The following GRM7 variants were observed in gnomAD, a reference collection of about 807,000 sequenced individuals.
GRM7 encodes the protein metabotropic glutamate receptor 7.
GRM7 carries 35 observed loss-of-function variants against 84.5 expected under a neutral mutation model. The observed-to-expected ratio is 0.41, with a 90% confidence interval of 0.32 to 0.55. The LOEUF (loss-of-function observed/expected upper bound fraction) is 0.55, where lower values mean the gene tolerates loss of function less well. Among genes scored for constraint, GRM7 ranks in the 20% least tolerant of loss-of-function variants. GRM7 has a pLI of 0.19. For missense variants in GRM7, 1,003 were observed against 1,194.6 expected (o/e 0.84, Z 2.36); for synonymous variants, 487 against 455.1 (o/e 1.07, Z -0.89).
intron 2 of GRM7, among the ~76,000 whole-genome samples, chr3:7,291,502 CTCTCTCTCTCTCTCTCT>C (rs1699622046): frequency 1.7e-3 from 8 of 4,784 alleles, no homozygotes; most frequent in Non-Finnish European, 2.3e-3. Flanking sequence ...CTCTCTCTCT[CTCTCTCTCTCTCTCTCT>C]CTCTCTCTCT....
intron 1 of GRM7, among the ~76,000 whole-genome samples, chr3:7,040,195 C>G (rs1239414387): frequency 6.6e-6 from 1 of 152,182 alleles, no homozygotes; most frequent in Non-Finnish European, 1.5e-5. Context: ...CTAGTTCCAG[C>G]GTCTCTACAA....
intron 1 of GRM7, among the ~76,000 whole-genome samples, chr3:6,883,618 T>C (rs1695589609): frequency 6.6e-6 from 1 of 152,188 alleles, no homozygotes; most frequent in South Asian, 2.1e-4. Context: ...CCATTGAATA[T>C]TGCCTTATTT....
intron 1 of GRM7, among the ~76,000 whole-genome samples, chr3:6,945,385 C>T (rs960147883): frequency 6.6e-6 from 1 of 152,058 alleles, no homozygotes; most frequent in Non-Finnish European, 1.5e-5. Context: ...CTACAAAGGA[C>T]ACGAACTCAT....
intron 4 of GRM7, among the ~76,000 whole-genome samples, chr3:7,396,027 A>G (rs778615285): frequency 2.0e-5 from 3 of 152,172 alleles, no homozygotes. Context: ...ATGAATCTGT[A>G]TAATTATTAT....
chr3:7,300,561 T>C (rs899083679), intron 3 of GRM7, among the ~76,000 whole-genome samples: 1 of 152,126 alleles, frequency 6.6e-6, no homozygotes, highest in Non-Finnish European at 1.5e-5. Flanking sequence ...CTGTTTCACC[T>C]TTCTAGTCTT....
At chr3:7,675,309 C>T (rs1280902305) in intron 8 of GRM7, among the ~76,000 whole-genome samples, 1 of 152,172 alleles carries the variant, frequency 6.6e-6, no homozygotes, top group Admixed American at 6.5e-5. Context: ...ATTATTACAA[C>T]TATTAACAGC....
intron 8 of GRM7, among the ~76,000 whole-genome samples, chr3:7,666,396 A>T (rs9830470): frequency 6.6e-6 from 1 of 152,214 alleles, no homozygotes; most frequent in African/African-American, 2.4e-5. Context: ...GCCAGGCCAG[A>T]TACTATAGGG....
At chr3:7,259,309 A>T (rs116294078) in intron 2 of GRM7, among the ~76,000 whole-genome samples, 3 of 152,262 alleles carry the variant, frequency 2.0e-5, no homozygotes, top group East Asian at 3.9e-4. Context: ...AGATTTTGGG[A>T]TACATGTGTA....
chr3:7,086,062 A>G (rs992575570), intron 1 of GRM7, among the ~76,000 whole-genome samples: 5 of 152,044 alleles, frequency 3.3e-5, no homozygotes, highest in Admixed American at 1.3e-4. Context: ...TTTTTTTTGA[A>G]GAAAGATTCA....
At chr3:7,204,546 G>C (rs1002466386) in intron 2 of GRM7, among the ~76,000 whole-genome samples, 1 of 152,228 alleles carries the variant, frequency 6.6e-6, no homozygotes, top group African/African-American at 2.4e-5. Context: ...AGGTTAGGCT[G>C]GTTCTCCCTG....
chr3:7,254,382 C>A (rs548966192), intron 2 of GRM7, among the ~76,000 whole-genome samples: 1 of 152,310 alleles, frequency 6.6e-6, no homozygotes, highest in Non-Finnish European at 1.5e-5. Context: ...TTTATCTCTC[C>A]TGTTTACTGA....
chr3:6,869,174 G>A (rs1695031709), intron 1 of GRM7, among the ~76,000 whole-genome samples: 1 of 152,014 alleles, frequency 6.6e-6, no homozygotes, highest in Non-Finnish European at 1.5e-5. Flanking sequence ...TCCATGTAGG[G>A]GTTAAGAATC....
chr3:7,718,862 A>G (rs936382414), intron 9 of GRM7, among the ~76,000 whole-genome samples: 1 of 152,188 alleles, frequency 6.6e-6, no homozygotes, highest in African/African-American at 2.4e-5. Flanking sequence ...TCTTGCTGAC[A>G]TTGGAGACTT....
chr3:7,154,621 G>A (rs1694390224), intron 2 of GRM7, among the ~76,000 whole-genome samples: 1 of 152,098 alleles, frequency 6.6e-6, no homozygotes, highest in Non-Finnish European at 1.5e-5. Flanking sequence ...TAAAGATGCA[G>A]TGTAAGGAAA....
intron 4 of GRM7, among the ~76,000 whole-genome samples, chr3:7,349,352 T>C (rs17047191): frequency 0.14 from 21,102 of 152,146 alleles, 1,908 homozygotes; most frequent in African/African-American, 0.26. Flanking sequence ...TAGCATAAAG[T>C]GGCCCAGCTG....
chr3:7,608,931 G>A (rs59562318), intron 8 of GRM7, among the ~76,000 whole-genome samples: 18,964 of 152,088 alleles, frequency 0.12, 1,364 homozygotes, highest in Admixed American at 0.16. Context: ...TTTTCTGCAC[G>A]TGGCTAGCCA....
intron 4 of GRM7, among the ~76,000 whole-genome samples, chr3:7,340,555 G>A (rs1012065993): frequency 3.3e-5 from 5 of 151,984 alleles, no homozygotes; most frequent in African/African-American, 1.2e-4. Flanking sequence ...CAACACCTGG[G>A]GATTACAATT....
intron 4 of GRM7, among the ~76,000 whole-genome samples, chr3:7,367,755 GA>G (rs1396145650): frequency 6.6e-6 from 1 of 151,632 alleles, no homozygotes; most frequent in African/African-American, 2.4e-5. Context: ...ACTGACCATT[GA>G]AAAATGTTCT....
chr3:7,417,694 G>A (rs1054393900), intron 5 of GRM7, among the ~76,000 whole-genome samples: 14 of 152,044 alleles, frequency 9.2e-5, no homozygotes, highest in African/African-American at 3.4e-4. Context: ...CTGTGACTTG[G>A]CTCTGCTAAA....
Sources: gnomAD v4.1 joint callset for allele counts (sites outside exome capture counted in the v4.1 genomes callset) on GRCh38, gnomAD v4.1.1 for gene constraint, MANE v1.5 for transcripts, NCBI Gene and HGNC (gene_info 2026-07-23, HGNC 2026-07-21) for gene names.